Variants in LRP1B observed in about 807,000 individuals in gnomAD.
The protein encoded by LRP1B is LDL receptor related protein 1B.
A neutral mutation model predicts 556.6 loss-of-function variants in LRP1B; 217 were observed. That is an observed-to-expected ratio of 0.39 (90% CI 0.35 to 0.44). The LOEUF (loss-of-function observed/expected upper bound fraction) is 0.44. Ranked by LOEUF, LRP1B falls within the 20% of genes least tolerant of loss-of-function variation. The pLI is 1.00. For synonymous variants in LRP1B, 2,047 were observed against 1,865.8 expected, an observed-to-expected ratio of 1.10 and a Z score of -2.50; for missense variants, 5,053 against 5,620.8, an observed-to-expected ratio of 0.90 and a Z score of 3.23.
chr2:140,870,904 A>G (rs1421385297), intron 25 of LRP1B, among the ~76,000 whole-genome samples: 1 of 152,176 alleles, frequency 6.6e-6, no homozygotes, highest in Non-Finnish European at 1.5e-5. Context: ...CATGACTTCT[A>G]TTTTTGAAAA....
chr2:140,816,117 A>T (rs1384745516), intron 31 of LRP1B, among the ~76,000 whole-genome samples: 2 of 148,478 alleles, frequency 1.3e-5, no homozygotes, highest in African/African-American at 2.5e-5. Context: ...TCTCAACTGA[A>T]TTTTTTTTTT....
intron 58 of LRP1B, among the ~76,000 whole-genome samples, chr2:140,486,582 A>G (rs1471558946): frequency 6.6e-6 from 1 of 152,022 alleles, no homozygotes; most frequent in Admixed American, 6.6e-5. Context: ...CAAAAATAGT[A>G]AAGTATCTTA....
chr2:141,450,813 G>C (rs952293198), intron 3 of LRP1B, among the ~76,000 whole-genome samples: 1 of 151,926 alleles, frequency 6.6e-6, no homozygotes, highest in Non-Finnish European at 1.5e-5. Context: ...TATTTTTCTT[G>C]TCATATACAA....
chr2:141,116,204 TTTG>T lies in LRP1B; in HGVS notation c.1014-53934_1014-53932del, dbSNP rs547847872. On this transcript the variant is annotated intron_variant, in intron 7 of 90. Coordinates refer to ENST00000389484, the MANE Select transcript of LRP1B (RefSeq NM_018557.3). ...CATATACTCTAGCCTATTACAGTGA[TTTG>T]TTATTATATTAAAATCTGTAACAAT... Among the ~76,000 whole-genome samples, 34 of 152,298 alleles carry T rather than the reference TTTG, an allele frequency of 2.2e-4. No homozygotes were observed. In the South Asian group the frequency reaches 4.8e-3, roughly 21 times the overall value.
chr2:140,767,740 AT>A (rs1310079729), intron 35 of LRP1B, among the ~76,000 whole-genome samples: 1 of 151,688 alleles, frequency 6.6e-6, no homozygotes, highest in Non-Finnish European at 1.5e-5. Context: ...GCTAACTAAT[AT>A]TTTTTCCTCA....
chr2:140,329,071 T>A (rs961918054), intron 79 of LRP1B, among the ~76,000 whole-genome samples: 2 of 152,046 alleles, frequency 1.3e-5, no homozygotes, highest in Non-Finnish European at 1.5e-5. Flanking sequence ...GGAATGTAGT[T>A]TGAAATCAAA....
chr2:140,645,530 A>ATTT (rs1684448277), intron 41 of LRP1B, among the ~76,000 whole-genome samples: 1 of 112,922 alleles, frequency 8.9e-6, no homozygotes, highest in Non-Finnish European at 1.8e-5. Context: ...CTTTGCCAAT[A>ATTT]TTCTTTTTTT....
chr2:141,410,727 C>G (rs1690820690), intron 3 of LRP1B, among the ~76,000 whole-genome samples: 2 of 151,854 alleles, frequency 1.3e-5, no homozygotes, highest in African/African-American at 4.8e-5. Context: ...ATATGTGGCC[C>G]AAACAGAATA....
intron 2 of LRP1B, among the ~76,000 whole-genome samples, chr2:141,481,356 A>G (rs1045569733): frequency 2.0e-5 from 3 of 152,118 alleles, no homozygotes; most frequent in African/African-American, 7.2e-5. Flanking sequence ...GCACTTTCCA[A>G]ATCCCCATAT....
At chr2:141,672,766 G>C (rs1042706599) in intron 2 of LRP1B, among the ~76,000 whole-genome samples, 2 of 152,166 alleles carry the variant, frequency 1.3e-5, no homozygotes, top group African/African-American at 2.4e-5. Context: ...GTTATCCTAT[G>C]ATGCACTGTA....
chr2:140,644,533 G>A (rs990244561), intron 41 of LRP1B, among the ~76,000 whole-genome samples: 4 of 151,418 alleles, frequency 2.6e-5, no homozygotes, highest in African/African-American at 9.7e-5. Context: ...CAAGTTGCTA[G>A]ACTATAGACA....
chr2:141,944,351 G>T (rs1700896571), intron 1 of LRP1B, among the ~76,000 whole-genome samples: 1 of 152,162 alleles, frequency 6.6e-6, no homozygotes, highest in Non-Finnish European at 1.5e-5. Context: ...CCTCTTAAAT[G>T]TGAAAGTCCC....
intron 58 of LRP1B, among the ~76,000 whole-genome samples, chr2:140,486,110 T>G (rs756800199): frequency 3.3e-5 from 5 of 152,026 alleles, no homozygotes; most frequent in Non-Finnish European, 5.9e-5. Flanking sequence ...TGAAATATAG[T>G]CTTTGCATGT....
intron 1 of LRP1B, among the ~76,000 whole-genome samples, chr2:141,884,934 G>T (rs1157060205): frequency 6.6e-6 from 1 of 152,144 alleles, no homozygotes; most frequent in Non-Finnish European, 1.5e-5. Context: ...TATTTGGATG[G>T]ATTGATTGGC....
At chr2:140,541,603 A>T (rs1278942099) in intron 44 of LRP1B, among the ~76,000 whole-genome samples, 176 bp downstream of exon 44, 1 of 152,136 alleles carries the variant, frequency 6.6e-6, no homozygotes, top group Non-Finnish European at 1.5e-5. Flanking sequence ...GAACAGCCAA[A>T]TCTTGAACAC....
At chr2:141,465,693 G>A (rs1025267980) in intron 3 of LRP1B, among the ~76,000 whole-genome samples, 1 of 151,830 alleles carries the variant, frequency 6.6e-6, no homozygotes, top group Non-Finnish European at 1.5e-5. Context: ...AGGACTACAG[G>A]CAAGCACCAC....
intron 1 of LRP1B, among the ~76,000 whole-genome samples, chr2:141,835,540 A>C (rs1697250568): frequency 6.6e-6 from 1 of 151,882 alleles, no homozygotes; most frequent in African/African-American, 2.4e-5. Flanking sequence ...ATTGAAAAAA[A>C]ATTGCCTAGA....
chr2:141,294,083 C>T (rs1297618027), intron 3 of LRP1B, among the ~76,000 whole-genome samples: 3 of 151,652 alleles, frequency 2.0e-5, no homozygotes, highest in African/African-American at 7.3e-5. Flanking sequence ...TAGAAGTATA[C>T]AGGGAAAAAA....
intron 1 of LRP1B, among the ~76,000 whole-genome samples, chr2:141,943,555 ACT>A (rs1700875919): frequency 6.6e-6 from 1 of 152,094 alleles, no homozygotes. Flanking sequence ...GCCAAATGAT[ACT>A]CTGAGTTTGT....
Sources: gnomAD v4.1 joint callset for allele counts (sites outside exome capture counted in the v4.1 genomes callset) on GRCh38, gnomAD v4.1.1 for gene constraint, MANE v1.5 for transcripts, NCBI Gene and HGNC (gene_info 2026-07-23, HGNC 2026-07-21) for gene names.